SLAMF1: variants seen among roughly 807,000 people sequenced by gnomAD.
The protein encoded by SLAMF1 is signaling lymphocytic activation molecule family member 1.
A neutral mutation model predicts 35.1 loss-of-function variants in SLAMF1; 18 were observed. That is an observed-to-expected ratio of 0.51 (90% CI 0.35 to 0.76). The LOEUF (loss-of-function observed/expected upper bound fraction) is 0.76, where lower values mean the gene tolerates loss of function less well. SLAMF1 is among the 30% of genes least tolerant of loss of function. SLAMF1 has a pLI of 0.01. For synonymous variants in SLAMF1, 168 were observed against 157.2 expected, an observed-to-expected ratio of 1.07 and a Z score of -0.51; for missense variants, 392 against 413.0, an observed-to-expected ratio of 0.95 and a Z score of 0.44.
At chr1:160,638,127 T>C (rs1660551111) in intron 1 of SLAMF1, among the ~76,000 whole-genome samples, 1 of 151,482 alleles carries the variant, frequency 6.6e-6, no homozygotes, top group Non-Finnish European at 1.5e-5. Context: ...ATTTCTCTTT[T>C]CCAAAAAAGC....
chr1:160,619,775 C>T lies in SLAMF1; in HGVS notation c.864+1G>A. ...CATCTCAAACAAAATATAGAACTTA[C>T]ACCTGGTTTCTGGACTTGGGCATAG... On this transcript the variant is annotated splice_donor_variant, in intron 5 of 6. Transcript: ENST00000302035. LOFTEE classifies it high-confidence loss of function. The T allele has an allele frequency of 1.3e-6, 2 of 1,592,708 alleles. No individual in the cohort carries two copies. The highest frequency in any genetic ancestry group is 8.6e-7 in the Non-Finnish European group (1 of 1,160,522).
intron 4 of SLAMF1, among the ~76,000 whole-genome samples, chr1:160,622,288 C>T (rs945337816): frequency 1.3e-5 from 2 of 152,206 alleles, no homozygotes; most frequent in African/African-American, 4.8e-5. Flanking sequence ...AAAATTAGGA[C>T]ATCTACATTG....
At chr1:160,630,385 CAGTTTCGCTT>C (rs1267830037) in intron 3 of SLAMF1, among the ~76,000 whole-genome samples, 3 of 152,196 alleles carry the variant, frequency 2.0e-5, no homozygotes, top group African/African-American at 7.2e-5. Context: ...AGTTTTTGCA[CAGTTTCGCTT>C]AAGTGAGTCC....
In SLAMF1 at chr1:160,612,585, A is replaced by G; in HGVS notation, c.865-5T>C. ...GTCAAGTTTCTTCTGAAGAGGCTAC[A>G]AGAGAAGCAAAGAAAGCAGATTAGC... On this transcript the variant is annotated splice_region_variant and splice_polypyrimidine_tract_variant and intron_variant, in intron 5 of 6. Transcript: ENST00000302035. 1 of 1,575,092 alleles carries G rather than the reference A, an allele frequency of 6.3e-7. No homozygotes were observed. Among genetic ancestry groups the G allele is most frequent in the Non-Finnish European group, 8.7e-7 (1 of 1,145,740 alleles).
At chr1:160,622,734 G>T (rs1659685519) in intron 4 of SLAMF1, among the ~76,000 whole-genome samples, 1 of 152,196 alleles carries the variant, frequency 6.6e-6, no homozygotes, top group South Asian at 2.1e-4. Context: ...CACACAGCTT[G>T]TCAGTAGCAA....
intron 1 of SLAMF1, among the ~76,000 whole-genome samples, chr1:160,645,855 TGC>T (rs1294355008): frequency 1.3e-5 from 2 of 152,110 alleles, no homozygotes; most frequent in Non-Finnish European, 2.9e-5. Context: ...CATATCACGG[TGC>T]TTTTCCTGGA....
intron 5 of SLAMF1, among the ~76,000 whole-genome samples, chr1:160,618,707 AG>A (rs151222516): frequency 0.01 from 1,538 of 152,308 alleles, 32 homozygotes; most frequent in African/African-American, 0.035. Flanking sequence ...AAATTTAAAA[AG>A]CTACATGTGG....
rs554444433 is a variant in SLAMF1 at position 160,622,095 on chromosome 1, A to C, written c.790+2001T>G. Among the ~76,000 whole-genome samples the C allele has an allele frequency of 8.5e-5, 13 of 152,322 alleles. No homozygotes were observed. In the East Asian group the frequency reaches 1.7e-3, roughly 20 times the overall value. On this transcript the variant is annotated intron_variant, in intron 4 of 6. Transcript: ENST00000302035. ...GAGTCAAATGTAGAACTGGAAGGACAGTCCTAAATGGTCAGACAGATGGAA... is the reference window on the plus strand; with the variant it reads ...GAGTCAAATGTAGAACTGGAAGGACCGTCCTAAATGGTCAGACAGATGGAA...
At chr1:160,611,076 CTCCCCTTCCA>C (rs1214201258) in intron 6 of SLAMF1, among the ~76,000 whole-genome samples, 2 of 152,226 alleles carry the variant, frequency 1.3e-5, no homozygotes, top group Non-Finnish European at 2.9e-5. Flanking sequence ...TCTTTGCCCT[CTCCCCTTCCA>C]TCCCCTTGTA....
At chr1:160,618,948 A>C (rs1459394549) in intron 5 of SLAMF1, among the ~76,000 whole-genome samples, 1 of 152,166 alleles carries the variant, frequency 6.6e-6, no homozygotes, top group Non-Finnish European at 1.5e-5. Context: ...CCACTAGGGG[A>C]CAGCAGAAAT....
intron 1 of SLAMF1, among the ~76,000 whole-genome samples, chr1:160,644,966 G>A (rs1359474381): frequency 1.3e-5 from 2 of 152,160 alleles, no homozygotes; most frequent in East Asian, 1.9e-4. Flanking sequence ...TCCTGGTGGG[G>A]GATATTGATA....
rs1658903417 is a variant in SLAMF1, at chr1:160,610,150, A to G, written c.*598T>C. 2.9e-6 allele frequency: 1 copy of G among 345,240 alleles called. No individual in the cohort carries two copies. The highest frequency in any genetic ancestry group is 5.7e-6 in the Non-Finnish European group (1 of 174,502). The allele number at this position is 345,240 out of a possible 1,614,324, so 21.4% of individuals were successfully genotyped here. ...GACTTTTTAGCTTCTGGGTTTTGCA[A>G]ATAAAATAATATTCTTAGCTTCCTT... On this transcript the variant is annotated 3_prime_UTR_variant, in exon 7 of 7. Coordinates refer to ENST00000302035, the MANE Select transcript of SLAMF1 (RefSeq NM_003037.5).
chr1:160,633,207 G>C (rs542286353), intron 3 of SLAMF1, among the ~76,000 whole-genome samples: 1 of 152,164 alleles, frequency 6.6e-6, no homozygotes, highest in South Asian at 2.1e-4. Flanking sequence ...GACTGTGGGT[G>C]GGGAGAGCGC....
chr1:160,640,410 A>G (rs1660690685), intron 1 of SLAMF1, among the ~76,000 whole-genome samples: 1 of 149,300 alleles, frequency 6.7e-6, no homozygotes. Context: ...ACATATATAT[A>G]TACATACACA....
At chr1:160,616,875 G>C (rs1416278410) in intron 5 of SLAMF1, among the ~76,000 whole-genome samples, 1 of 151,968 alleles carries the variant, frequency 6.6e-6, no homozygotes, top group Non-Finnish European at 1.5e-5. Flanking sequence ...AGCAATTGAG[G>C]CCAGGAGTGG....
At position 160,642,336 on chromosome 1, in the gene SLAMF1, C is replaced by G. The variant is rs1660794204; in HGVS notation, c.76+4534G>C. On this transcript the variant is annotated intron_variant, in intron 1 of 6. Transcript: ENST00000302035. This position sits in a 1 kb window ranked among gnomAD's most constrained non-coding sequence, Gnocchi z 4.2. The stretch of plus-strand genomic sequence containing the variant: ...TGCCTAGCTAACAACTTCCATCTTT[C>G]TGGTCTCCATTTTGACATCTCTTTC... Among the ~76,000 whole-genome samples, 1 of 152,212 alleles carries G rather than the reference C, an allele frequency of 6.6e-6. No individual in the cohort carries two copies. The highest frequency in any genetic ancestry group is 1.5e-5 in the Non-Finnish European group (1 of 68,042).
chr1:160,640,506 G>A (rs1660693971), intron 1 of SLAMF1, among the ~76,000 whole-genome samples: 1 of 151,786 alleles, frequency 6.6e-6, no homozygotes, highest in Non-Finnish European at 1.5e-5. Context: ...TGTTCTAGCT[G>A]ATAAGAAAGT....
At chr1:160,617,252 G>A (rs545537546) in intron 5 of SLAMF1, among the ~76,000 whole-genome samples, 3 of 152,180 alleles carry the variant, frequency 2.0e-5, no homozygotes, top group South Asian at 4.1e-4. Context: ...AAACAGCTCG[G>A]CCTTATCTAG....
At chr1:160,629,787 C>T (rs1358295371) in intron 3 of SLAMF1, among the ~76,000 whole-genome samples, 1 of 152,220 alleles carries the variant, frequency 6.6e-6, no homozygotes, top group Non-Finnish European at 1.5e-5. Context: ...TCCCTTATAG[C>T]GGGTGTGGCC....
Sources: gnomAD v4.1 joint callset for allele counts (sites outside exome capture counted in the v4.1 genomes callset) on GRCh38, gnomAD v4.1.1 for gene constraint, Gnocchi (gnomAD v3.1) non-coding constraint, MANE v1.5 for transcripts, NCBI Gene and HGNC (gene_info 2026-07-23, HGNC 2026-07-21) for gene names.